GPHN: variants seen among roughly 807,000 people sequenced by gnomAD.
GPHN encodes the protein gephyrin.
In GPHN, 17 loss-of-function variants were observed where a neutral mutation model predicts 95.5. The ratio of observed to expected loss-of-function variants is 0.18; its 90% CI spans 0.12 to 0.27. The LOEUF (loss-of-function observed/expected upper bound fraction) is 0.27, where lower values mean the gene tolerates loss of function less well. Ranked by LOEUF, GPHN falls within the 10% of genes least tolerant of loss-of-function variation. The pLI is 1.00. For missense variants in GPHN, 660 were observed against 978.1 expected (o/e 0.67, Z 4.34); for synonymous variants, 320 against 322.5 (o/e 0.99, Z 0.08).
chr14:67,019,329 A>G (rs2073478825), intron 9 of GPHN, among the ~76,000 whole-genome samples: 1 of 152,222 alleles, frequency 6.6e-6, no homozygotes, highest in Non-Finnish European at 1.5e-5. Context: ...AAATGTGATT[A>G]GTGGCCAGTA....
intron 1 of GPHN, among the ~76,000 whole-genome samples, chr14:66,614,578 C>CTTT (rs58001259): frequency 0.011 from 1,519 of 138,026 alleles, 18 homozygotes; most frequent in Non-Finnish European, 0.018. Flanking sequence ...AAAACTTTAG[C>CTTT]TTTTTTTTTT....
In GPHN at chr14:66,585,144, C is replaced by G. The variant is rs1429376765; in HGVS notation, c.64+76553C>G. On this transcript the variant is annotated intron_variant, in intron 1 of 22. Transcript: ENST00000478722. ...GGGTGTATGTGTCCAGGAATTTATC[C>G]ATTTCTTCTAGATTTTCTAGTTTAT... Among the ~76,000 whole-genome samples the G allele has an allele frequency of 1.3e-5, 2 of 152,092 alleles. 1 individual carries two copies. The highest frequency in any genetic ancestry group is 4.1e-4 in the South Asian group (2 of 4,820).
the GPHN span, among the ~76,000 whole-genome samples, chr14:67,598,163 C>T: frequency 4.2e-3 from 644 of 152,198 alleles, 43 homozygotes; most frequent in East Asian, 0.11. Context: ...TCCAGATATT[C>T]ATTACTCTCA....
At chr14:67,415,303 C>G in the GPHN span, among the ~76,000 whole-genome samples, 1 of 151,690 alleles carries the variant, frequency 6.6e-6, no homozygotes. Context: ...AGTATCTTAC[C>G]AGGTCATTAA....
At chr14:66,537,345 T>C (rs1395060578) in intron 1 of GPHN, among the ~76,000 whole-genome samples, 1 of 152,186 alleles carries the variant, frequency 6.6e-6, no homozygotes, top group Non-Finnish European at 1.5e-5. Flanking sequence ...CTGTATTATT[T>C]GTCAGGTTTT....
the GPHN span, chr14:67,576,512 A>C: frequency 4.1e-5 from 57 of 1,402,468 alleles, no homozygotes; most frequent in Non-Finnish European, 5.7e-5. The surrounding 1 kb of genome is among the most constrained non-coding windows in gnomAD (Gnocchi z 4.0). Flanking sequence ...AGGTAAGGCA[A>C]GGGTGGCCAC....
intron 4 of GPHN, among the ~76,000 whole-genome samples, chr14:66,841,022 GATATA>G (rs1567006788): frequency 2.0e-4 from 28 of 142,506 alleles, no homozygotes; most frequent in Non-Finnish European, 2.6e-4. Flanking sequence ...TATAGATATA[GATATA>G]GATATAGGTA....
chr14:67,024,066 C>T (rs2153626944), intron 10 of GPHN, among the ~76,000 whole-genome samples: 1 of 152,206 alleles, frequency 6.6e-6, no homozygotes. Flanking sequence ...CAAGAGGGTA[C>T]ATCATACTCA....
At chr14:66,965,091 C>T (rs2069228810) in intron 8 of GPHN, 100 bp from the exon 9 acceptor site, 1 of 949,564 alleles carries the variant, frequency 1.1e-6, no homozygotes. Flanking sequence ...CCAAATATGT[C>T]AGAGCTGAGC....
At chr14:67,531,825 T>A in the GPHN span, among the ~76,000 whole-genome samples, 3 of 147,928 alleles carry the variant, frequency 2.0e-5, no homozygotes, top group African/African-American at 7.6e-5. Flanking sequence ...GGAGGATTGC[T>A]TGAGCCCAGG....
At chr14:66,743,236 C>T (rs988035189) in intron 2 of GPHN, among the ~76,000 whole-genome samples, 1 of 150,830 alleles carries the variant, frequency 6.6e-6, no homozygotes, top group Non-Finnish European at 1.5e-5. Flanking sequence ...TTTTAATCTT[C>T]CCCCCCACTT....
At chr14:66,922,167 CA>C (rs1392644743) in intron 6 of GPHN, among the ~76,000 whole-genome samples, 1 of 151,744 alleles carries the variant, frequency 6.6e-6, no homozygotes, top group East Asian at 1.9e-4. Context: ...ATTTCATGAC[CA>C]AAAACCCGAA....
At chr14:66,557,624 C>CT (rs1039356159) in intron 1 of GPHN, among the ~76,000 whole-genome samples, 3 of 152,074 alleles carry the variant, frequency 2.0e-5, no homozygotes, top group East Asian at 3.9e-4. Flanking sequence ...GTATATATAA[C>CT]TTTTTTTCTC....
At chr14:67,301,479 C>A in the GPHN span, 9 of 1,586,178 alleles carry the variant, frequency 5.7e-6, no homozygotes, top group African/African-American at 1.3e-5. Context: ...AGAAAATGGA[C>A]AGAATACTAT....
At chr14:67,078,749 T>C (rs1270195545) in intron 11 of GPHN, among the ~76,000 whole-genome samples, 3 of 152,154 alleles carry the variant, frequency 2.0e-5, no homozygotes, top group Non-Finnish European at 4.4e-5. Context: ...GATACGGATA[T>C]AGCAGCTTGC....
At chr14:67,714,444 A>AT in the GPHN span, 1 of 152,054 alleles carries the variant, frequency 6.6e-6, no homozygotes, top group African/African-American at 2.4e-5. Flanking sequence ...GCTTTGTTTT[A>AT]TTTTTGTACC....
In GPHN at chr14:66,703,529, A is replaced by G. The variant is rs1219105799; in HGVS notation, c.143+22344A>G. ...AAAATAATTTTAAACGCAGAATTTCATATCTAGCCAAACTAAACTTCATAA... is the reference window on the plus strand; with the variant it reads ...AAAATAATTTTAAACGCAGAATTTCGTATCTAGCCAAACTAAACTTCATAA... On this transcript the variant is annotated intron_variant, in intron 2 of 22. Transcript: ENST00000478722. Among the ~76,000 whole-genome samples the G allele has an allele frequency of 2.0e-5, 3 of 149,142 alleles. No individual in the cohort carries two copies. The Admixed American group carries it at 2.1e-4, about 10-fold the overall frequency.
At chr14:66,841,004 GATATAGA>G (rs2062058288) in intron 4 of GPHN, among the ~76,000 whole-genome samples, 1 of 143,362 alleles carries the variant, frequency 7.0e-6, no homozygotes, top group Non-Finnish European at 1.5e-5. Context: ...TATAGATATA[GATATAGA>G]TATAGATATA....
the GPHN span, chr14:67,619,936 C>A: frequency 1.4e-6 from 2 of 1,384,650 alleles, no homozygotes; most frequent in South Asian, 1.4e-5. Context: ...GGCTTCCAAC[C>A]GCGCGGAGCC....
Sources: allele counts gnomAD v4.1 joint callset (sites outside exome capture counted in the v4.1 genomes callset), GRCh38; gene constraint gnomAD v4.1.1; non-coding constraint Gnocchi (gnomAD v3.1); transcripts MANE v1.5; gene names NCBI Gene and HGNC (gene_info 2026-07-23, HGNC 2026-07-21).